SYN3: variants seen among roughly 807,000 people sequenced by gnomAD.
SYN3 encodes the protein synapsin III.
In SYN3, 35 loss-of-function variants were observed where a neutral mutation model predicts 65.8. The ratio of observed to expected loss-of-function variants is 0.53; its 90% CI spans 0.41 to 0.70. The LOEUF is 0.70. SYN3 is among the 30% of genes least tolerant of loss of function. SYN3 has a pLI of 0.00. For synonymous variants in SYN3, 270 were observed against 292.9 expected (o/e 0.92, Z 0.80); for missense variants, 680 against 749.0 (o/e 0.91, Z 1.08).
At chr22:32,968,128 T>A (rs1479393867) in intron 3 of SYN3, among the ~76,000 whole-genome samples, 1 of 152,194 alleles carries the variant, frequency 6.6e-6, no homozygotes, top group Admixed American at 6.5e-5. Flanking sequence ...AAACACATCA[T>A]GTGGGTCTGA....
intron 6 of SYN3, among the ~76,000 whole-genome samples, chr22:32,604,132 A>G (rs1373850678): frequency 1.3e-5 from 2 of 152,236 alleles, no homozygotes; most frequent in Non-Finnish European, 1.5e-5. Flanking sequence ...CTCCCACCAA[A>G]GGAGGCAACT....
At chr22:32,740,156 G>A (rs1489220890) in intron 6 of SYN3, among the ~76,000 whole-genome samples, 1 of 152,206 alleles carries the variant, frequency 6.6e-6, no homozygotes, top group East Asian at 1.9e-4. Flanking sequence ...TGTGTGAAGA[G>A]GGTTAGACTC....
At chr22:32,626,613 T>C (rs1434223453) in intron 6 of SYN3, among the ~76,000 whole-genome samples, 2 of 152,186 alleles carry the variant, frequency 1.3e-5, no homozygotes, top group Non-Finnish European at 2.9e-5. Flanking sequence ...TCTGTTGACC[T>C]GCCCCAACCG....
At position 32,529,030 on chromosome 22, in the gene SYN3, T is replaced by G. The variant is rs528626055; in HGVS notation, c.1096-22A>C. 5.0e-5 allele frequency: 80 copies of G among 1,613,398 alleles called. 2 individuals carry two copies. In the South Asian group the frequency reaches 7.9e-4, roughly 16 times the overall value. ...TTACCTGTGGGGAGGAAGGGAGAGCTGAGGGACCCCCATGCCAGGAGAGAT... is the reference window on the plus strand; with the variant it reads ...TTACCTGTGGGGAGGAAGGGAGAGCGGAGGGACCCCCATGCCAGGAGAGAT... On this transcript the variant is annotated intron_variant, in intron 10 of 13. Transcript: ENST00000358763.
intron 5 of SYN3, among the ~76,000 whole-genome samples, chr22:32,867,749 A>G (rs571059241): frequency 2.6e-5 from 4 of 152,254 alleles, no homozygotes; most frequent in Admixed American, 2.6e-4. Context: ...CGCCCAGCTA[A>G]TTCTTGTGTT....
chr22:32,883,683 T>TA (rs1265920486), intron 4 of SYN3, among the ~76,000 whole-genome samples: 1 of 152,202 alleles, frequency 6.6e-6, no homozygotes, highest in East Asian at 1.9e-4. Flanking sequence ...TTCTCTTTTT[T>TA]AAAAAAAGAT....
intron 6 of SYN3, among the ~76,000 whole-genome samples, chr22:32,627,225 T>A (rs1310540428): frequency 1.3e-5 from 2 of 151,784 alleles, no homozygotes; most frequent in African/African-American, 2.4e-5. Flanking sequence ...CACCACAGCA[T>A]TCTGAACATT....
In SYN3 at chr22:32,513,601, G is replaced by A; in HGVS notation, c.*91C>T. The A allele has an allele frequency of 6.6e-7, 1 of 1,520,924 alleles. No individual in the cohort carries two copies. The highest frequency in any genetic ancestry group is 9.0e-7 in the Non-Finnish European group (1 of 1,117,112). The allele number at this position is 1,520,924 out of a possible 1,614,324, so 94.2% of individuals were successfully genotyped here. ...AGTATGTTCTCAGGCCCTCCATTCT[G>A]TTCCCATCAGGAACCAAGGCTGAGA... is the stretch of plus-strand genomic sequence containing the variant. On this transcript the variant is annotated 3_prime_UTR_variant, in exon 14 of 14. Transcript: ENST00000358763.
chr22:33,053,158 C>A (rs977534277), intron 1 of SYN3, among the ~76,000 whole-genome samples: 1 of 152,198 alleles, frequency 6.6e-6, no homozygotes, highest in Non-Finnish European at 1.5e-5. Context: ...CGCAGTGGCT[C>A]ACACCTGTAA....
In SYN3 at chr22:32,926,002, C is replaced by A. The variant is rs1601708691; in HGVS notation, c.461+5388G>T. Among the ~76,000 whole-genome samples, 4 of 151,984 alleles carry A rather than the reference C, an allele frequency of 2.6e-5. No individual in the cohort carries two copies. In the East Asian group the frequency reaches 5.8e-4, roughly 22 times the overall value. ...AAATAGCTGAGACTACAGGCGCACACCACCACACCTGGATAATTTTTGCAT... is the reference window on the plus strand; with the variant it reads ...AAATAGCTGAGACTACAGGCGCACAACACCACACCTGGATAATTTTTGCAT... On this transcript the variant is annotated intron_variant, in intron 4 of 13. Transcript: ENST00000358763.
intron 3 of SYN3, among the ~76,000 whole-genome samples, chr22:32,940,387 A>T (rs368302944): frequency 6.6e-6 from 1 of 151,536 alleles, no homozygotes; most frequent in South Asian, 2.1e-4. Context: ...ACAATTTAGT[A>T]TTTTTTTTAC....
chr22:32,567,328 C>CCTCCCTA (rs1569045438), intron 7 of SYN3, among the ~76,000 whole-genome samples: 1 of 125,500 alleles, frequency 8.0e-6, no homozygotes, highest in Admixed American at 7.9e-5. Flanking sequence ...GATCCTCCCT[C>CCTCCCTA]CCTCCCTCCC....
At chr22:32,757,465 T>C (rs4322932) in intron 6 of SYN3, among the ~76,000 whole-genome samples, 128,936 of 152,076 alleles carry the variant, frequency 0.85, 55,163 homozygotes, top group African/African-American at 0.96. Context: ...GCCCAGCTAA[T>C]TTTGTATTTT....
chr22:32,889,418 GAA>G (rs137511), intron 4 of SYN3, among the ~76,000 whole-genome samples: 414 of 146,418 alleles, frequency 2.8e-3, no homozygotes, highest in Middle Eastern at 0.01. Flanking sequence ...CCTCCACAAG[GAA>G]AAAAAAAAAA....
intron 6 of SYN3, among the ~76,000 whole-genome samples, chr22:32,718,825 A>G (rs2071930371): frequency 6.6e-6 from 1 of 152,218 alleles, no homozygotes; most frequent in African/African-American, 2.4e-5. Flanking sequence ...GGTCTCCCAC[A>G]ACTCCACATG....
rs180958069 is a variant in SYN3, at chr22:32,749,304, C to G, written c.711+115611G>C. On this transcript the variant is annotated intron_variant, in intron 6 of 13. Transcript: ENST00000358763. ...CCTAATCACCTCCCAAAGCCCCCCCCCCACCCCAAAATACACACACAAATC... is the reference window on the plus strand; with the variant it reads ...CCTAATCACCTCCCAAAGCCCCCCCGCCACCCCAAAATACACACACAAATC... Among the ~76,000 whole-genome samples, 6 of 86,092 alleles carry G rather than the reference C, an allele frequency of 7.0e-5. 1 individual carries two copies. Among genetic ancestry groups the G allele is most frequent in the East Asian group, 3.3e-4 (1 of 3,012 alleles). 56.5% of individuals were successfully genotyped at this position (86,092 alleles called of 152,430 possible). A position where few individuals can be genotyped will look rare whatever the true frequency, so the allele number is the denominator to read the frequency against.
chr22:33,022,274 A>G (rs2053573214), intron 1 of SYN3, among the ~76,000 whole-genome samples: 1 of 152,202 alleles, frequency 6.6e-6, no homozygotes, highest in Non-Finnish European at 1.5e-5. Context: ...AGACAACATA[A>G]CCTGGGCTTT....
chr22:32,611,328 C>G (rs2059442658), intron 6 of SYN3, among the ~76,000 whole-genome samples: 1 of 133,890 alleles, frequency 7.5e-6, no homozygotes, highest in African/African-American at 3.0e-5. Flanking sequence ...GAGTCTCGCC[C>G]TGTTGCCCAG....
At chr22:32,941,629 G>A (rs969117741) in intron 3 of SYN3, among the ~76,000 whole-genome samples, 9 of 152,162 alleles carry the variant, frequency 5.9e-5, no homozygotes, top group African/African-American at 1.2e-4. Context: ...CCCACCGAGC[G>A]AGAGCCAAAG....
Sources: gnomAD v4.1 joint callset for allele counts (sites outside exome capture counted in the v4.1 genomes callset) on GRCh38, gnomAD v4.1.1 for gene constraint, MANE v1.5 for transcripts, NCBI Gene and HGNC (gene_info 2026-07-23, HGNC 2026-07-21) for gene names.